The following NAMPT variants were observed in gnomAD, a reference collection of about 807,000 sequenced individuals.
The protein encoded by NAMPT is NAmPRTase.
NAMPT carries 7 observed loss-of-function variants against 58.7 expected under a neutral mutation model. The observed-to-expected ratio is 0.12, with a 90% CI of 0.07 to 0.22. NAMPT has a LOEUF of 0.22. NAMPT is among the 10% of genes least tolerant of loss of function. The pLI is 1.00. For missense variants in NAMPT, 271 were observed against 567.9 expected (o/e 0.48, Z 5.31); for synonymous variants, 145 against 198.1 (o/e 0.73, Z 2.25).
chr7:106,274,890 A>T (rs1453963668), intron 3 of NAMPT, 56 bp downstream of exon 3: 1 of 1,105,846 alleles, frequency 9.0e-7, no homozygotes, highest in African/African-American at 1.6e-5. Flanking sequence ...CCTTTGCAAG[A>T]AGTTTTGAAC....
chr7:106,269,961 AAATATAT>A (rs1234617212), intron 4 of NAMPT, among the ~76,000 whole-genome samples: 2 of 152,214 alleles, frequency 1.3e-5, no homozygotes, highest in African/African-American at 4.8e-5. Flanking sequence ...AGCTTTTATC[AAATATAT>A]AAGTATTTGA....
intron 7 of NAMPT, among the ~76,000 whole-genome samples, chr7:106,262,297 A>G (rs1381185767): frequency 6.6e-6 from 1 of 152,084 alleles, no homozygotes; most frequent in Non-Finnish European, 1.5e-5. Context: ...TTGTACACCA[A>G]ATTAAAATTT....
chr7:106,265,460 C>A (rs1792392052), intron 6 of NAMPT, among the ~76,000 whole-genome samples: 2 of 151,230 alleles, frequency 1.3e-5, no homozygotes, highest in African/African-American at 4.9e-5. Flanking sequence ...TTCCCAGATG[C>A]TGTGCTCTCC....
Position 106,253,083 on chromosome 7 carries a change from A to T in NAMPT, c.1299T>A (p.His433Gln), listed in dbSNP as rs532984034. The change falls in exon 10 of 11, where the codon CAT becomes CAA. Residue 433 changes from histidine (H) to glutamine (Q), a missense_variant. Transcript: ENST00000222553. Reference sequence around the variant, plus strand: ...TAACAAAATTCCCTGCTGGCGTCCTATGTAAAGATAATCGGCCCTTTTTGG... The same window carrying T: ...TAACAAAATTCCCTGCTGGCGTCCTTTGTAAAGATAATCGGCCCTTTTTGG... ...KRSKKGRLSLHRTPAGNFVTL... is the reference protein window; with the variant it reads ...KRSKKGRLSLQRTPAGNFVTL... 6.2e-7 allele frequency: 1 copy of T among 1,613,430 alleles called. No individual in the cohort carries two copies. The highest frequency in any genetic ancestry group is 1.7e-5 in the Admixed American group (1 of 59,988).
intron 4 of NAMPT, 129 bp from the exon 5 acceptor site, chr7:106,269,441 T>A: frequency 1.2e-6 from 1 of 821,232 alleles, no homozygotes; most frequent in South Asian, 1.8e-5. Context: ...GACACAGAAC[T>A]GCGCAGCAGG....
At chr7:106,283,585 C>G (rs989467742) in intron 1 of NAMPT, among the ~76,000 whole-genome samples, 2 of 151,952 alleles carry the variant, frequency 1.3e-5, no homozygotes, top group African/African-American at 4.8e-5. Flanking sequence ...GTTTTAGGAC[C>G]AAGTAAAGGA....
rs1456633828 is a variant in NAMPT, at chr7:106,284,906, C to T, written c.-22G>A. On this transcript the variant is annotated 5_prime_UTR_variant, in exon 1 of 11. Coordinates refer to ENST00000222553, the MANE Select transcript of NAMPT (RefSeq NM_005746.3). ...TCATCTCGGGCCGGAGGACAGGGGC[C>T]GCGCGCCGCGAGCTCCCTGGCGCGG... 3 of 1,574,532 alleles carry T rather than the reference C, an allele frequency of 1.9e-6. No individual in the cohort carries two copies. The highest frequency in any genetic ancestry group is 2.7e-5 in the African/African-American group (2 of 74,052).
chr7:106,267,866 A>AAAAAAAAAAAAAAAAAAAAAAAAAC (rs767872084), intron 6 of NAMPT, among the ~76,000 whole-genome samples: 3 of 133,646 alleles, frequency 2.2e-5, no homozygotes, highest in Non-Finnish European at 3.3e-5. Flanking sequence ...AAAAAAAAAA[A>AAAAAAAAAAAAAAAAAAAAAAAAAC]AAAAAAAAAA....
At chr7:106,257,873 C>A (rs373690771) in intron 8 of NAMPT, among the ~76,000 whole-genome samples, 4 of 146,664 alleles carry the variant, frequency 2.7e-5, no homozygotes, top group African/African-American at 9.7e-5. Context: ...CTGCCATGTT[C>A]TTTCACCTGC....
chr7:106,267,672 T>C (rs1792440042), intron 6 of NAMPT, among the ~76,000 whole-genome samples: 1 of 150,004 alleles, frequency 6.7e-6, no homozygotes, highest in African/African-American at 2.5e-5. Context: ...AAACCCCGTC[T>C]CTACTAAAAA....
chr7:106,265,565 C>G, intron 6 of NAMPT, among the ~76,000 whole-genome samples: 1 of 110,762 alleles, frequency 9.0e-6, no homozygotes, highest in South Asian at 2.7e-4. Flanking sequence ...CACTCAAAAG[C>G]TTAAAAAAAA....
intron 6 of NAMPT, among the ~76,000 whole-genome samples, chr7:106,267,261 CAG>C (rs1191603283): frequency 5.9e-5 from 9 of 152,086 alleles, no homozygotes; most frequent in African/African-American, 2.2e-4. Flanking sequence ...AGTTAACCAA[CAG>C]AGCAGACTAT....
upstream of NAMPT, chr7:106,285,175 A>AG (rs1792849282): frequency 2.4e-6 from 3 of 1,226,324 alleles, no homozygotes; most frequent in South Asian, 2.4e-5. Context: ...GGGCCGAGAA[A>AG]GGGCGGGGCG....
At chr7:106,273,098 T>C (rs1055036659) in intron 3 of NAMPT, among the ~76,000 whole-genome samples, 11 of 152,200 alleles carry the variant, frequency 7.2e-5, no homozygotes, top group African/African-American at 1.9e-4. Context: ...AGGATTGCTA[T>C]TAAAGAACAA....
At chr7:106,270,905 T>G (rs966601678) in intron 4 of NAMPT, among the ~76,000 whole-genome samples, 9 of 152,200 alleles carry the variant, frequency 5.9e-5, no homozygotes, top group Non-Finnish European at 2.9e-5. Flanking sequence ...TTGGGGTAGT[T>G]TGTTACACAA....
chr7:106,267,714 G>A (rs1047850552), intron 6 of NAMPT, among the ~76,000 whole-genome samples: 8 of 148,866 alleles, frequency 5.4e-5, no homozygotes, highest in Admixed American at 4.0e-4. Context: ...AGTGGCGGGC[G>A]CCTGTAGTCC....
At chr7:106,262,462 T>C (rs1467345646) in intron 7 of NAMPT, among the ~76,000 whole-genome samples, 2 of 152,132 alleles carry the variant, frequency 1.3e-5, no homozygotes, top group African/African-American at 2.4e-5. Flanking sequence ...CATTTTTTAT[T>C]ACGTAACAGT....
upstream of NAMPT, chr7:106,285,082 G>A: frequency 7.4e-7 from 1 of 1,351,338 alleles, no homozygotes; most frequent in Non-Finnish European, 9.6e-7. Flanking sequence ...GGTGACGGCT[G>A]CGGCGGCTCG....
chr7:106,284,831 G>A lies in NAMPT; in HGVS notation c.54C>T (p.Tyr18=), dbSNP rs1328949601. ...CTGCCCGGGCCCCGAGCTTTACCTT[G>A]TAGGAGTCGGTGGCCAGGAGGATGT... ...EFNILLATDS[Y]KVTHYKQYPP... is the part of the protein sequence containing the mutation. Residue 18 remains tyrosine (Y), a synonymous_variant, in exon 1 of 11, where the codon TAC becomes TAT. Coordinates refer to ENST00000222553, the MANE Select transcript of NAMPT (RefSeq NM_005746.3). 1 of 1,559,116 alleles carries A rather than the reference G, an allele frequency of 6.4e-7. No individual in the cohort carries two copies. Among genetic ancestry groups the A allele is most frequent in the East Asian group, 2.4e-5 (1 of 42,008 alleles).
Sources: allele counts gnomAD v4.1 joint callset (sites outside exome capture counted in the v4.1 genomes callset), GRCh38; gene constraint gnomAD v4.1.1; transcripts MANE v1.5; gene names NCBI Gene and HGNC (gene_info 2026-07-23, HGNC 2026-07-21).